TRMT44: variants seen among roughly 807,000 people sequenced by gnomAD.
TRMT44 encodes the protein probable tRNA (uracil-O(2)-)-methyltransferase.
Under a neutral mutation model 77.3 loss-of-function variants are expected in TRMT44, and 78 were observed. That is an observed-to-expected ratio of 1.01 (90% CI 0.84 to 1.22). The LOEUF (loss-of-function observed/expected upper bound fraction) is 1.22, where lower values mean the gene tolerates loss of function less well. TRMT44 is among the 50% of genes most tolerant of loss of function. The pLI is 0.00. For missense variants in TRMT44, 1,090 were observed against 964.4 expected (o/e 1.13, Z -1.73); for synonymous variants, 391 against 383.3 (o/e 1.02, Z -0.23).
At chr4:8,488,093 G>C (rs546037932) in intron 2 of TRMT44, among the ~76,000 whole-genome samples, 21 of 152,208 alleles carry the variant, frequency 1.4e-4, no homozygotes, top group Admixed American at 1.4e-3. Flanking sequence ...TTGGAGAAGA[G>C]AGTAAAAAGA....
chr4:8,488,102 G>A (rs1475005561), intron 2 of TRMT44, among the ~76,000 whole-genome samples: 1 of 152,216 alleles, frequency 6.6e-6, no homozygotes, highest in East Asian at 1.9e-4. Flanking sequence ...AGAGTAAAAA[G>A]AGGCCACTTA....
chr4:8,504,247 T>A, the TRMT44 span, among the ~76,000 whole-genome samples: 3 of 152,218 alleles, frequency 2.0e-5, no homozygotes, highest in African/African-American at 7.2e-5. The surrounding 1 kb of genome is among the most constrained non-coding windows in gnomAD (Gnocchi z 5.3). Context: ...GCTTTCCCCA[T>A]GGCCCACCTA....
chr4:8,492,038 A>G (rs938960560), intron 2 of TRMT44, among the ~76,000 whole-genome samples: 3 of 152,248 alleles, frequency 2.0e-5, no homozygotes, highest in Admixed American at 6.5e-5. Flanking sequence ...CAAAAATGCC[A>G]TGGTCTTTCT....
rs540935559 is a variant in TRMT44 at position 8,449,847 on chromosome 4, G to C, written c.913G>C (p.Ala305Pro). 8 of 1,534,562 alleles carry C rather than the reference G, an allele frequency of 5.2e-6. No individual in the cohort carries two copies. The South Asian group carries it at 8.3e-5, about 16-fold the overall frequency. Residue 305 changes from alanine to proline, a missense_variant, in exon 3 of 11, where the codon GCT (alanine) becomes CCT (proline). Ala to Pro is a conservative substitution (Grantham distance 27). Transcript: ENST00000389737. ...CATCTCCATTATGAAGTATAGCAAG[G>C]CTTACCAGGAACTTAAAGAGAAGTA... ...SLISIMKYSKAYQELKEKYKE... is the reference protein window; with the variant it reads ...SLISIMKYSKPYQELKEKYKE...
At chr4:8,506,496 C>G in the TRMT44 span, among the ~76,000 whole-genome samples, 1 of 152,196 alleles carries the variant, frequency 6.6e-6, no homozygotes, top group East Asian at 1.9e-4. Context: ...GGCACCACTC[C>G]ATGCTCATTG....
At chr4:8,495,372 C>T (rs1034227382), downstream of TRMT44, among the ~76,000 whole-genome samples, 1 of 152,214 alleles carries the variant, frequency 6.6e-6, no homozygotes, top group Non-Finnish European at 1.5e-5. Flanking sequence ...GCTGCAGCCT[C>T]CTGGCAGGGC....
chr4:8,516,059 G>A, the TRMT44 span, among the ~76,000 whole-genome samples: 1 of 152,120 alleles, frequency 6.6e-6, no homozygotes, highest in African/African-American at 2.4e-5. Flanking sequence ...GTACGCTGGG[G>A]GTCTGAAACC....
At chr4:8,449,928 GA>G in intron 3 of TRMT44, 40 bp downstream of exon 3, 6 of 303,244 alleles carry the variant, frequency 2.0e-5, no homozygotes, top group Non-Finnish European at 2.5e-5. Flanking sequence ...CCCCCTTCAT[GA>G]TTTTCTTTTC....
At chr4:8,508,445 C>T in the TRMT44 span, among the ~76,000 whole-genome samples, 3 of 152,150 alleles carry the variant, frequency 2.0e-5, no homozygotes, top group African/African-American at 7.2e-5. Context: ...GTCTCCAAGC[C>T]CCCTCCCCAA....
Position 8,470,842 on chromosome 4 carries a change from G to A in TRMT44, c.1928-242G>A, listed in dbSNP as rs1183412884. 6 of 404,760 alleles carry A rather than the reference G, an allele frequency of 1.5e-5. No homozygotes were observed. The Admixed American group carries it at 2.0e-4, about 14-fold the overall frequency. 25.1% of individuals were successfully genotyped at this position (404,760 alleles called of 1,614,324 possible). ...ATCACCTGACGCCTGGCCCTGTGCG[G>A]GCATGGGGCATGTGTGGGGCTGCGT... is the stretch of plus-strand genomic sequence containing the variant. On this transcript the variant is annotated intron_variant, in intron 9 of 10. Coordinates refer to ENST00000389737, the MANE Select transcript of TRMT44 (RefSeq NM_152544.3).
chr4:8,464,145 AAC>A, intron 7 of TRMT44, 54 bp downstream of exon 7: 1 of 1,480,646 alleles, frequency 6.8e-7, no homozygotes, highest in Admixed American at 1.7e-5. Flanking sequence ...TCATCTTCTA[AAC>A]AGTGGTGTCC....
At chr4:8,489,123 G>A (rs1433972394) in intron 2 of TRMT44, among the ~76,000 whole-genome samples, 3 of 152,250 alleles carry the variant, frequency 2.0e-5, no homozygotes, top group Non-Finnish European at 4.4e-5. Flanking sequence ...AGAGGAGTGG[G>A]CTATTCCTGA....
At chr4:8,508,292 G>A in the TRMT44 span, among the ~76,000 whole-genome samples, 2 of 152,232 alleles carry the variant, frequency 1.3e-5, no homozygotes, top group Non-Finnish European at 1.5e-5. Context: ...GTGGGAGGGT[G>A]AGGAGGGACT....
chr4:8,484,424 TAG>T (rs1727740022), intron 2 of TRMT44, among the ~76,000 whole-genome samples: 1 of 152,176 alleles, frequency 6.6e-6, no homozygotes, highest in East Asian at 1.9e-4. Flanking sequence ...ATGAGAGCTG[TAG>T]AGAGTGAGTT....
At chr4:8,474,450 C>T (rs1299076842) in intron 10 of TRMT44, among the ~76,000 whole-genome samples, 1 of 152,220 alleles carries the variant, frequency 6.6e-6, no homozygotes, top group African/African-American at 2.4e-5. Flanking sequence ...CAGGCCTGGC[C>T]TTGGCGGTGC....
At position 8,451,751 on chromosome 4, in the gene TRMT44, G is replaced by A. The variant is rs1267695313; in HGVS notation, c.955-209G>A. Among the ~76,000 whole-genome samples, 9 of 152,180 alleles carry A rather than the reference G, an allele frequency of 5.9e-5. No individual in the cohort carries two copies. ...TCTGTTGATTGTGAAATCTTGCTTT[G>A]GATTGGATTGTTCTTGGCATGCCTT... On this transcript the variant is annotated intron_variant, in intron 3 of 10. Coordinates refer to ENST00000389737, the MANE Select transcript of TRMT44 (RefSeq NM_152544.3). The surrounding 1 kb of genome is among the most constrained non-coding windows in gnomAD (Gnocchi z 4.1).
chr4:8,465,623 CT>C, intron 8 of TRMT44, 62 bp downstream of exon 8: 1 of 1,435,222 alleles, frequency 7.0e-7, no homozygotes, highest in South Asian at 1.3e-5. Context: ...GAGCTCAGGG[CT>C]CTGCCACAGA....
At chr4:8,465,156 C>T (rs998719927) in intron 7 of TRMT44, among the ~76,000 whole-genome samples, 23 of 152,186 alleles carry the variant, frequency 1.5e-4, no homozygotes, top group African/African-American at 4.3e-4. Context: ...TTACCCCAAA[C>T]CTCAGCATCT....
intron 1 of TRMT44, among the ~76,000 whole-genome samples, chr4:8,442,903 C>T (rs1371612363): frequency 1.3e-5 from 2 of 152,184 alleles, no homozygotes; most frequent in African/African-American, 4.8e-5. Context: ...TTAGGCCGGG[C>T]TCACCTGGAT....
Sources: allele counts gnomAD v4.1 joint callset (sites outside exome capture counted in the v4.1 genomes callset), GRCh38; gene constraint gnomAD v4.1.1; non-coding constraint Gnocchi (gnomAD v3.1); transcripts MANE v1.5; gene names NCBI Gene and HGNC (gene_info 2026-07-23, HGNC 2026-07-21).